RAB10: variants seen among roughly 807,000 people sequenced by gnomAD.
RAB10 encodes ras-related protein Rab-10.
RAB10 carries 5 observed loss-of-function variants against 25.7 expected under a neutral mutation model. That is an observed-to-expected ratio of 0.19 (90% CI 0.10 to 0.41). The LOEUF (loss-of-function observed/expected upper bound fraction) is 0.41. RAB10 is among the 10% of genes least tolerant of loss of function. RAB10 has a pLI of 1.00. For synonymous variants in RAB10, 89 were observed against 86.4 expected (o/e 1.03, Z -0.16); for missense variants, 103 against 245.8 (o/e 0.42, Z 3.89).
rs964284825 is a variant in RAB10 at position 26,046,052 on chromosome 2, C to T, written c.127+11317C>T. ...AAGAAAAGGAATTTGAGGCCCGGTG[C>T]GGTGGCTCACGCCTGTAATCCCAGC... On this transcript the variant is annotated intron_variant, in intron 1 of 5. Coordinates refer to ENST00000264710, the MANE Select transcript of RAB10 (RefSeq NM_016131.5). Among the ~76,000 whole-genome samples the T allele has an allele frequency of 3.3e-5, 5 of 152,226 alleles. No individual in the cohort carries two copies. The South Asian group carries it at 6.2e-4, about 19-fold the overall frequency.
intron 4 of RAB10, 146 bp from the exon 5 acceptor site, chr2:26,127,704 A>G (rs1161029910): frequency 8.4e-6 from 5 of 596,302 alleles, no homozygotes. Flanking sequence ...GTTTTATGAA[A>G]GAGCTTGACT....
intron 2 of RAB10, among the ~76,000 whole-genome samples, chr2:26,109,187 AGT>A (rs1423083413): frequency 6.6e-6 from 1 of 152,018 alleles, no homozygotes; most frequent in Non-Finnish European, 1.5e-5. Context: ...TGGGATTACA[AGT>A]GTGAGCCACT....
At chr2:26,092,354 G>A (rs904894874) in intron 1 of RAB10, among the ~76,000 whole-genome samples, 3 of 150,534 alleles carry the variant, frequency 2.0e-5, no homozygotes, top group African/African-American at 7.3e-5. Context: ...CAACAACAAA[G>A]CCTGTTTGGA....
chr2:26,041,265 G>A (rs1276683586), intron 1 of RAB10, among the ~76,000 whole-genome samples: 1 of 152,150 alleles, frequency 6.6e-6, no homozygotes. Flanking sequence ...CTGTGGCCGG[G>A]CGCAGTGGCT....
At chr2:26,128,733 G>A (rs1422463533) in intron 5 of RAB10, among the ~76,000 whole-genome samples, 1 of 152,132 alleles carries the variant, frequency 6.6e-6, no homozygotes, top group East Asian at 1.9e-4. Flanking sequence ...AACCTATTAT[G>A]TAAGAAAATA....
intron 3 of RAB10, among the ~76,000 whole-genome samples, chr2:26,115,840 C>G (rs1667675696): frequency 6.7e-6 from 1 of 149,852 alleles, no homozygotes. Flanking sequence ...TTGAACTACA[C>G]AGGTAGAGTT....
intron 1 of RAB10, among the ~76,000 whole-genome samples, chr2:26,071,517 A>G (rs1316404615): frequency 2.0e-5 from 3 of 152,096 alleles, no homozygotes; most frequent in East Asian, 3.9e-4. Flanking sequence ...GTGAAACCCC[A>G]TCTCTACTAA....
intron 5 of RAB10, among the ~76,000 whole-genome samples, chr2:26,132,078 A>C (rs769026572): frequency 6.6e-6 from 1 of 152,240 alleles, no homozygotes; most frequent in Non-Finnish European, 1.5e-5. Context: ...ATACAGCCAA[A>C]GTCTGTCCTG....
In RAB10 at chr2:26,135,623, ATGTT is replaced by A. The variant is rs1237789847; in HGVS notation, c.*606_*609del. On this transcript the variant is annotated 3_prime_UTR_variant, in exon 6 of 6. Transcript: ENST00000264710. Reference sequence around the variant, plus strand: ...TATCATCCAAACATAAACCATTAAAATGTTTGTGGTTTGCTTGGCTGTAATTTTC... The same window carrying A: ...TATCATCCAAACATAAACCATTAAAATGTGGTTTGCTTGGCTGTAATTTTC... 6.6e-6 allele frequency: 1 copy of A among 152,652 alleles called. No individual in the cohort carries two copies. Among genetic ancestry groups the A allele is most frequent in the Non-Finnish European group, 1.5e-5 (1 of 68,038 alleles). The allele number at this position is 152,652 out of a possible 1,614,324, so 9.5% of individuals were successfully genotyped here. A position where few individuals can be genotyped will look rare whatever the true frequency, so the allele number is the denominator to read the frequency against.
At chr2:26,048,897 G>C (rs1559578208) in intron 1 of RAB10, among the ~76,000 whole-genome samples, 1 of 152,076 alleles carries the variant, frequency 6.6e-6, no homozygotes, top group Non-Finnish European at 1.5e-5. Flanking sequence ...TCCTTTGTTG[G>C]ATATGTGGTT....
At position 26,093,353 on chromosome 2, in the gene RAB10, G is replaced by A. The variant is rs537742815; in HGVS notation, c.128-5309G>A. Among the ~76,000 whole-genome samples the A allele has an allele frequency of 7.2e-5, 11 of 152,094 alleles. No individual in the cohort carries two copies. The South Asian group carries it at 2.3e-3, about 32-fold the overall frequency. On this transcript the variant is annotated intron_variant, in intron 1 of 5. Transcript: ENST00000264710. Reference sequence around the variant, plus strand: ...TTTATTTGAAGTTTTAATTATTGGTGTATACTATCATCCATCTGCCATGGA... The same window carrying A: ...TTTATTTGAAGTTTTAATTATTGGTATATACTATCATCCATCTGCCATGGA...
At position 26,034,359 on chromosome 2, in the gene RAB10, G is replaced by C. The variant is rs902349905; in HGVS notation, c.-250G>C. ...GAGGGGAGGCCATTTTGTCCCGACCGACTCCCCGGAACCGGGCGGACGGGC... is the reference window on the plus strand; with the variant it reads ...GAGGGGAGGCCATTTTGTCCCGACCCACTCCCCGGAACCGGGCGGACGGGC... On this transcript the variant is annotated 5_prime_UTR_variant, in exon 1 of 6. Coordinates refer to ENST00000264710, the MANE Select transcript of RAB10 (RefSeq NM_016131.5). 15 of 582,950 alleles carry C rather than the reference G, an allele frequency of 2.6e-5. No homozygotes were observed. Among genetic ancestry groups the C allele is most frequent in the Non-Finnish European group, 4.6e-5 (15 of 327,846 alleles). The allele number at this position is 582,950 out of a possible 1,614,324, so 36.1% of individuals were successfully genotyped here.
At chr2:26,095,451 C>G (rs777363488) in intron 1 of RAB10, among the ~76,000 whole-genome samples, 1 of 152,048 alleles carries the variant, frequency 6.6e-6, no homozygotes, top group African/African-American at 2.4e-5. Flanking sequence ...ACTAAAAATA[C>G]AAAAAATTAG....
chr2:26,134,244 T>C (rs1043083800), intron 5 of RAB10, among the ~76,000 whole-genome samples: 6 of 152,014 alleles, frequency 3.9e-5, no homozygotes, highest in African/African-American at 1.4e-4. Flanking sequence ...GCCTCCTGAG[T>C]AGCTGGGACT....
At chr2:26,079,379 A>T (rs747823808) in intron 1 of RAB10, among the ~76,000 whole-genome samples, 4 of 151,966 alleles carry the variant, frequency 2.6e-5, no homozygotes, top group Non-Finnish European at 5.9e-5. Flanking sequence ...AGGATTAAAC[A>T]TTTAAGTAAA....
At chr2:26,126,259 A>G (rs1667901569) in intron 3 of RAB10, among the ~76,000 whole-genome samples, 1 of 152,020 alleles carries the variant, frequency 6.6e-6, no homozygotes, top group Non-Finnish European at 1.5e-5. Context: ...ATTTGCAGTA[A>G]GTTCTGAAAT....
In RAB10 at chr2:26,090,940, CAAA is replaced by C. The variant is rs34929018; in HGVS notation, c.128-7707_128-7705del. 7.8e-3 allele frequency among the ~76,000 whole-genome samples: 1,120 copies of C among 143,008 alleles called. 11 individuals are homozygous for C. Among genetic ancestry groups the C allele is most frequent in the African/African-American group, 0.02 (768 of 38,628 alleles). The allele number at this position is 143,008 out of a possible 152,430, so 93.8% of individuals were successfully genotyped here. On this transcript the variant is annotated intron_variant, in intron 1 of 5. Transcript: ENST00000264710. ...AAGAGCGAGACCCTGTCTCCCCCCC[CAAA>C]AAAAAAAAAAAAAATTCTGATATCT...
intron 3 of RAB10, among the ~76,000 whole-genome samples, chr2:26,116,020 C>T (rs899072784): frequency 3.3e-5 from 5 of 151,860 alleles, no homozygotes; most frequent in South Asian, 2.1e-4. Flanking sequence ...CTGCCACGCC[C>T]GGCTAATTTT....
upstream of RAB10, among the ~76,000 whole-genome samples, chr2:26,033,649 G>C (rs2149258431): frequency 6.6e-6 from 1 of 152,358 alleles, no homozygotes; most frequent in Admixed American, 6.5e-5. Context: ...CAAGCCCGTC[G>C]CTGCGCCAAG....
Sources: allele counts gnomAD v4.1 joint callset (sites outside exome capture counted in the v4.1 genomes callset), GRCh38; gene constraint gnomAD v4.1.1; transcripts MANE v1.5; gene names NCBI Gene and HGNC (gene_info 2026-07-23, HGNC 2026-07-21).